The following ATP5MC1 variants were observed in gnomAD, a reference collection of about 807,000 sequenced individuals.
ATP5MC1 encodes ATP synthase F(0) complex subunit C1, mitochondrial.
A neutral mutation model predicts 12.1 loss-of-function variants in ATP5MC1; 4 were observed. That is an observed-to-expected ratio of 0.33 (90% CI 0.16 to 0.76). The LOEUF (loss-of-function observed/expected upper bound fraction) is 0.76. ATP5MC1 is among the 30% of genes least tolerant of loss of function. The probability of loss-of-function intolerance (pLI) is 0.61; values close to 1 mark genes in which losing one functional copy is unlikely to be tolerated. For missense variants in ATP5MC1, 117 were observed against 172.1 expected (o/e 0.68, Z 1.79); for synonymous variants, 52 against 66.0 (o/e 0.79, Z 1.03).
At chr17:48,893,319 G>C (rs906552355) in intron 1 of ATP5MC1, 90 bp from the exon 2 acceptor site, 10 of 1,365,930 alleles carry the variant, frequency 7.3e-6, no homozygotes, top group Non-Finnish European at 1.0e-5. Flanking sequence ...AGGACGGACG[G>C]GGGTGAAGGG....
chr17:48,894,240 C>A, intron 2 of ATP5MC1, 132 bp from the exon 3 acceptor site: 2 of 870,868 alleles, frequency 2.3e-6, no homozygotes, highest in South Asian at 1.5e-5. Flanking sequence ...CTGATAGGAA[C>A]AGGAATAAAT....
intron 2 of ATP5MC1, 141 bp from the exon 3 acceptor site, chr17:48,894,231 T>C (rs2040552847): frequency 1.2e-6 from 1 of 808,290 alleles, no homozygotes; most frequent in South Asian, 1.6e-5. Context: ...CAGGCCTATC[T>C]GATAGGAACA....
rs745820931 is a variant in ATP5MC1 at position 48,895,175 on chromosome 17, C to T, written c.137C>T (p.Pro46Leu). The T allele has an allele frequency of 1.2e-6, 2 of 1,606,210 alleles. No homozygotes were observed. The highest frequency in any genetic ancestry group is 1.7e-6 in the Non-Finnish European group (2 of 1,173,808). The change falls in exon 4 of 5, where the codon CCA becomes CTA. Residue 46 changes from proline to leucine, a missense_variant. By Grantham distance (98) the Pro-to-Leu change is moderately conservative (BLOSUM62 -3). Coordinates refer to ENST00000393366, the MANE Select transcript of ATP5MC1 (RefSeq NM_005175.3). ...TTCTAGCCTTCCTACAGCAACTTCC[C>T]ACTCCAGGTGGCCAGACGGGAGTTC... ...SSKQPSYSNF[P>L]LQVARREFQT...
At position 48,895,804 on chromosome 17, in the gene ATP5MC1, G is replaced by A; in HGVS notation, c.*35G>A. On this transcript the variant is annotated 3_prime_UTR_variant, in exon 5 of 5. Transcript: ENST00000393366. ...GGGGGGTCACCGGCCTGTTGCTACT[G>A]CAACTCCACACCATTCTTGGTGCTG... The A allele has an allele frequency of 6.4e-7, 1 of 1,551,812 alleles. No homozygotes were observed.
intron 3 of ATP5MC1, chr17:48,894,756 G>T: frequency 1.9e-6 from 1 of 530,734 alleles, no homozygotes; most frequent in Non-Finnish European, 3.6e-6. Flanking sequence ...GCAAGACCCT[G>T]ACTCATAAAA....
rs979563958 is a variant in ATP5MC1, at chr17:48,895,555, T to C, written c.297-100T>C. ...CAGGATCTGTGCAGGCTAGGCCCTC[T>C]CCCAGGAGTAACAGTCCCCATTCAC... On this transcript the variant is annotated intron_variant, in intron 4 of 4. Transcript: ENST00000393366. 7 of 1,330,290 alleles carry C rather than the reference T, an allele frequency of 5.3e-6. No individual in the cohort carries two copies. In the African/African-American group the frequency reaches 1.0e-4, roughly 19 times the overall value. The allele number at this position is 1,330,290 out of a possible 1,614,324, so 82.4% of individuals were successfully genotyped here.
chr17:48,893,328 G>A, intron 1 of ATP5MC1, 81 bp from the exon 2 acceptor site: 1 of 1,442,606 alleles, frequency 6.9e-7, no homozygotes, highest in South Asian at 1.2e-5. Context: ...GGGGGTGAAG[G>A]GGACGACCAA....
At chr17:48,895,545 C>T (rs1024080074) in intron 4 of ATP5MC1, 110 bp from the exon 5 acceptor site, 8 of 1,307,874 alleles carry the variant, frequency 6.1e-6, no homozygotes, top group Non-Finnish European at 8.8e-6. Context: ...TCTGTGCAGG[C>T]TAGGCCCTCT....
intron 4 of ATP5MC1, 138 bp from the exon 5 acceptor site, chr17:48,895,517 C>A: frequency 1.6e-6 from 2 of 1,254,634 alleles, no homozygotes; most frequent in Non-Finnish European, 2.3e-6. Flanking sequence ...CTCTGCTTGT[C>A]CATCCAAATC....
In ATP5MC1 at chr17:48,895,776, AT is replaced by A. The variant is rs771924617; in HGVS notation, c.*8del. 261 of 1,462,484 alleles carry A rather than the reference AT, an allele frequency of 1.8e-4. No individual in the cohort carries two copies. The highest frequency in any genetic ancestry group is 7.0e-4 in the Middle Eastern group (4 of 5,746). 90.6% of individuals were successfully genotyped at this position (1,462,484 alleles called of 1,614,324 possible). ...CATCCTCTTCGCCATGTGAGGCTCC[AT>A]GGGGGGGTCACCGGCCTGTTGCTAC... is the stretch of plus-strand genomic sequence containing the variant. On this transcript the variant is annotated 3_prime_UTR_variant, in exon 5 of 5. Transcript: ENST00000393366.
chr17:48,895,117 ATCTCT>A, intron 3 of ATP5MC1, 34 bp from the exon 4 acceptor site: 11 of 1,581,726 alleles, frequency 7.0e-6, no homozygotes, highest in Non-Finnish European at 9.5e-6. Context: ...ATGCCATACT[ATCTCT>A]CTGCTATCTC....
chr17:48,895,843 T>G lies in ATP5MC1; in HGVS notation c.*74T>G. ...TTCTTGGTGCTGGGGTGTGTTAAGC[T>G]TTACCATTAAACACAACGTTTCTCT... On this transcript the variant is annotated 3_prime_UTR_variant, in exon 5 of 5. Coordinates refer to ENST00000393366, the MANE Select transcript of ATP5MC1 (RefSeq NM_005175.3). 1 of 1,397,386 alleles carries G rather than the reference T, an allele frequency of 7.2e-7. No individual in the cohort carries two copies. The highest frequency in any genetic ancestry group is 1.0e-6 in the Non-Finnish European group (1 of 990,240). The allele number at this position is 1,397,386 out of a possible 1,614,324, so 86.6% of individuals were successfully genotyped here. A position where few individuals can be genotyped will look rare whatever the true frequency, so the allele number is the denominator to read the frequency against.
At chr17:48,893,266 C>A in intron 1 of ATP5MC1, 143 bp from the exon 2 acceptor site, 1 of 773,034 alleles carries the variant, frequency 1.3e-6, no homozygotes, top group Non-Finnish European at 2.1e-6. Flanking sequence ...CTCTAATGCC[C>A]TCCTCAGCTG....
At chr17:48,895,047 C>A in intron 3 of ATP5MC1, 109 bp from the exon 4 acceptor site, 2 of 1,314,072 alleles carry the variant, frequency 1.5e-6, no homozygotes, top group Non-Finnish European at 2.1e-6. Context: ...AGGCAGTTTG[C>A]CAACAGTTTC....
At chr17:48,893,747 T>C (rs1268071451) in intron 2 of ATP5MC1, 13 of 492,916 alleles carry the variant, frequency 2.6e-5, no homozygotes, top group Non-Finnish European at 4.7e-5. Context: ...GTTAGAATCA[T>C]CCAGGGAACT....
rs562060687 is a variant in ATP5MC1 at position 48,895,521 on chromosome 17, C to G, written c.297-134C>G. The G allele has an allele frequency of 3.2e-6, 4 of 1,268,512 alleles. No homozygotes were observed. In the Admixed American group the frequency reaches 7.3e-5, roughly 23 times the overall value. The allele number at this position is 1,268,512 out of a possible 1,614,324, so 78.6% of individuals were successfully genotyped here. ...AGGTTGGCCCACTCTGCTTGTCCAT[C>G]CAAATCCCCAGGATCTGTGCAGGCT... On this transcript the variant is annotated intron_variant, in intron 4 of 4. Transcript: ENST00000393366.
At chr17:48,893,154 C>G in intron 1 of ATP5MC1, 1 of 501,872 alleles carries the variant, frequency 2.0e-6, no homozygotes, top group Admixed American at 3.4e-5. Context: ...CCCGAGAGAC[C>G]ATTCCCTTTC....
At chr17:48,895,489 A>G (rs746316809) in intron 4 of ATP5MC1, 155 bp downstream of exon 4, 16 of 1,355,772 alleles carry the variant, frequency 1.2e-5, no homozygotes, top group Non-Finnish European at 1.6e-5. Flanking sequence ...GCTCACTTAA[A>G]CTTACCAGGT....
chr17:48,895,426 G>A lies in ATP5MC1; in HGVS notation c.296+92G>A. On this transcript the variant is annotated intron_variant, in intron 4 of 4. Transcript: ENST00000393366. The stretch of plus-strand genomic sequence containing the variant: ...GAGGAGCTCCCTTCAGGAGCCTTCA[G>A]GTTGATTTCATCTACATCATAGTTT... The A allele has an allele frequency of 2.7e-6, 4 of 1,491,472 alleles. No homozygotes were observed. In the South Asian group the frequency reaches 4.0e-5, roughly 15 times the overall value. The allele number at this position is 1,491,472 out of a possible 1,614,324, so 92.4% of individuals were successfully genotyped here.
Sources: gnomAD v4.1 joint callset for allele counts on GRCh38, gnomAD v4.1.1 for gene constraint, MANE v1.5 for transcripts, NCBI Gene and HGNC (gene_info 2026-07-23, HGNC 2026-07-21) for gene names.